Variants in SLC9A4 observed in about 807,000 individuals in gnomAD.
SLC9A4 encodes the protein sodium/hydrogen exchanger 4.
SLC9A4 carries 63 observed loss-of-function variants against 67.4 expected under a neutral mutation model. The observed-to-expected ratio is 0.93, with a 90% CI of 0.76 to 1.15. SLC9A4 has a LOEUF of 1.15. SLC9A4 is among the 50% of genes most tolerant of loss of function. SLC9A4 has a pLI of 0.00. For synonymous variants in SLC9A4, 393 were observed against 367.2 expected (o/e 1.07, Z -0.80); for missense variants, 1,089 against 987.7 (o/e 1.10, Z -1.38).
chr2:102,497,817 T>C (rs547184817), intron 2 of SLC9A4, among the ~76,000 whole-genome samples: 1 of 152,306 alleles, frequency 6.6e-6, no homozygotes, highest in South Asian at 2.1e-4. Context: ...TATGTAAGTC[T>C]TTCCTCAATA....
At chr2:102,497,541 G>A (rs1200072837) in intron 2 of SLC9A4, among the ~76,000 whole-genome samples, 3 of 152,108 alleles carry the variant, frequency 2.0e-5, no homozygotes, top group Non-Finnish European at 4.4e-5. Context: ...AACAACTTGG[G>A]CAACTCAAAA....
At chr2:102,532,164 G>A (rs1422034362) in intron 11 of SLC9A4, among the ~76,000 whole-genome samples, 166 bp from the exon 12 acceptor site, 1 of 152,164 alleles carries the variant, frequency 6.6e-6, no homozygotes, top group African/African-American at 2.4e-5. Flanking sequence ...TCTGCTTGGG[G>A]CAGTGTCCTT....
intron 2 of SLC9A4, among the ~76,000 whole-genome samples, chr2:102,502,964 C>T (rs7572284): frequency 4.4e-4 from 67 of 152,248 alleles, no homozygotes; most frequent in Non-Finnish European, 7.2e-4. Context: ...CAGGCAGGAT[C>T]CGCTGGAGTT....
At position 102,528,627 on chromosome 2, in the gene SLC9A4, C is replaced by A. The variant is rs114367860; in HGVS notation, c.2038+2281C>A. The stretch of plus-strand genomic sequence containing the variant: ...TGCCTATGGTAGCAGGAGATGACCA[C>A]GGAGCAGATTCATTTGAACAAATCT... On this transcript the variant is annotated intron_variant, in intron 11 of 11. Coordinates refer to ENST00000295269, the MANE Select transcript of SLC9A4 (RefSeq NM_001011552.4). Among the ~76,000 whole-genome samples, 3 of 152,138 alleles carry A rather than the reference C, an allele frequency of 2.0e-5. No homozygotes were observed. The East Asian group carries it at 5.8e-4, about 29-fold the overall frequency.
intron 2 of SLC9A4, among the ~76,000 whole-genome samples, chr2:102,483,398 C>G (rs948254225): frequency 1.1e-4 from 17 of 152,158 alleles, no homozygotes; most frequent in African/African-American, 4.1e-4. Context: ...GAGGAAGGAG[C>G]CTTCTTGGGG....
intron 2 of SLC9A4, among the ~76,000 whole-genome samples, chr2:102,491,636 G>C (rs1684702228): frequency 1.3e-5 from 2 of 152,098 alleles, no homozygotes; most frequent in African/African-American, 4.8e-5. Context: ...ATGACAAGTA[G>C]GGATTATGCG....
intron 3 of SLC9A4, 111 bp downstream of exon 3, chr2:102,503,818 C>T (rs1684994579): frequency 3.6e-6 from 5 of 1,402,126 alleles, no homozygotes; most frequent in Non-Finnish European, 4.8e-6. Context: ...AACCCTCCAA[C>T]ATGTTGCAGA....
chr2:102,493,347 G>T (rs1038249580), intron 2 of SLC9A4, among the ~76,000 whole-genome samples: 1 of 151,864 alleles, frequency 6.6e-6, no homozygotes, highest in Non-Finnish European at 1.5e-5. Flanking sequence ...ACCCAAGACT[G>T]GGTAATTTAT....
chr2:102,499,108 T>G (rs1322036099), intron 2 of SLC9A4, among the ~76,000 whole-genome samples: 4 of 152,092 alleles, frequency 2.6e-5, no homozygotes, highest in Non-Finnish European at 5.9e-5. Context: ...ACCCACAGGC[T>G]GAAACACGTA....
Position 102,510,426 on chromosome 2 carries a change from A to G in SLC9A4, c.1488+1493A>G, listed in dbSNP as rs1174389553. Among the ~76,000 whole-genome samples the G allele has an allele frequency of 2.0e-5, 3 of 152,356 alleles. No homozygotes were observed. The East Asian group carries it at 5.8e-4, about 29-fold the overall frequency. On this transcript the variant is annotated intron_variant, in intron 6 of 11. Transcript: ENST00000295269. ...AGGCTGGAACCCTCAGGCATGAGCC[A>G]AAGCTGCTGTCTACAAGTAGGATTT...
intron 8 of SLC9A4, among the ~76,000 whole-genome samples, chr2:102,514,563 T>C (rs2104441564): frequency 6.6e-6 from 1 of 152,346 alleles, no homozygotes; most frequent in East Asian, 1.9e-4. Flanking sequence ...CTCATTTTCC[T>C]CTTGACATGA....
At chr2:102,507,530 C>A (rs1685074690) in intron 4 of SLC9A4, among the ~76,000 whole-genome samples, 1 of 152,024 alleles carries the variant, frequency 6.6e-6, no homozygotes, top group Non-Finnish European at 1.5e-5. Flanking sequence ...CACTCACCCC[C>A]CAACCCTTGC....
chr2:102,519,411 C>T (rs778175886), intron 8 of SLC9A4, among the ~76,000 whole-genome samples: 8 of 152,134 alleles, frequency 5.3e-5, no homozygotes, highest in Non-Finnish European at 1.2e-4. Flanking sequence ...CACCTGTCCT[C>T]AATGAGATAG....
At chr2:102,503,332 G>C (rs1684981236) in intron 2 of SLC9A4, 116 bp from the exon 3 acceptor site, 3 of 959,880 alleles carry the variant, frequency 3.1e-6, no homozygotes, top group South Asian at 3.7e-5. Flanking sequence ...AGTATTTTTT[G>C]TTGTGTAATT....
intron 3 of SLC9A4, 36 bp from the exon 4 acceptor site, chr2:102,505,218 T>G: frequency 1.3e-6 from 2 of 1,595,614 alleles, no homozygotes; most frequent in Non-Finnish European, 1.7e-6. Context: ...GGGGAAAACC[T>G]CATGGATTTT....
At chr2:102,499,373 G>C (rs1684876074) in intron 2 of SLC9A4, among the ~76,000 whole-genome samples, 8 of 152,178 alleles carry the variant, frequency 5.3e-5, no homozygotes, top group Admixed American at 1.3e-4. Context: ...TGGGACTTTT[G>C]TGGGGGTTTC....
At chr2:102,476,153 G>A (rs1684327554) in intron 1 of SLC9A4, among the ~76,000 whole-genome samples, 1 of 152,108 alleles carries the variant, frequency 6.6e-6, no homozygotes, top group East Asian at 1.9e-4. Context: ...CCAACTATAT[G>A]CACTTATAAA....
chr2:102,510,264 TAC>T (rs1685137219), intron 6 of SLC9A4, among the ~76,000 whole-genome samples: 1 of 148,384 alleles, frequency 6.7e-6, no homozygotes, highest in Non-Finnish European at 1.5e-5. Context: ...CAGATACAGA[TAC>T]AGATACAGAT....
At chr2:102,529,425 C>T (rs540118579) in intron 11 of SLC9A4, among the ~76,000 whole-genome samples, 1 of 152,322 alleles carries the variant, frequency 6.6e-6, no homozygotes, top group East Asian at 1.9e-4. Flanking sequence ...ATTTTAAATA[C>T]TTGTTCTTAT....
Sources: gnomAD v4.1 joint callset for allele counts (sites outside exome capture counted in the v4.1 genomes callset) on GRCh38, gnomAD v4.1.1 for gene constraint, MANE v1.5 for transcripts, NCBI Gene and HGNC (gene_info 2026-07-23, HGNC 2026-07-21) for gene names.